AGBL4: variants seen among roughly 807,000 people sequenced by gnomAD.
AGBL4 encodes AGBL carboxypeptidase 4.
A neutral mutation model predicts 66.4 loss-of-function variants in AGBL4; 58 were observed. The observed-to-expected ratio is 0.87, with a 90% CI of 0.71 to 1.09. The LOEUF is 1.09. AGBL4 is among the 50% of genes least tolerant of loss of function. The probability of loss-of-function intolerance (pLI) is 0.00; values close to 1 mark genes in which losing one functional copy is unlikely to be tolerated. For missense variants in AGBL4, 579 were observed against 631.0 expected (o/e 0.92, Z 0.88); for synonymous variants, 234 against 222.9 (o/e 1.05, Z -0.44).
At chr1:49,545,364 T>C (rs1219398449) in intron 3 of AGBL4, among the ~76,000 whole-genome samples, 1 of 152,172 alleles carries the variant, frequency 6.6e-6, no homozygotes, top group African/African-American at 2.4e-5. Flanking sequence ...AAAAACCATG[T>C]GAGTTTGGAG....
chr1:49,834,114 G>A (rs1052712553), intron 2 of AGBL4, among the ~76,000 whole-genome samples: 2 of 152,182 alleles, frequency 1.3e-5, no homozygotes, highest in African/African-American at 2.4e-5. Context: ...AGTTAAGAAG[G>A]AGTCCTTCTT....
intron 2 of AGBL4, chr1:49,842,022 C>A: frequency 5.0e-6 from 2 of 400,354 alleles, no homozygotes; most frequent in Admixed American, 3.6e-5. Flanking sequence ...TGCACCCAGC[C>A]CATATTCACG....
intron 3 of AGBL4, among the ~76,000 whole-genome samples, chr1:49,378,362 C>A (rs772793476): frequency 1.6e-3 from 240 of 152,160 alleles, no homozygotes; most frequent in Non-Finnish European, 2.9e-3. Flanking sequence ...TCTATCTCAT[C>A]TTAAATGTCT....
intron 2 of AGBL4, among the ~76,000 whole-genome samples, chr1:49,807,689 C>G (rs897052265): frequency 6.6e-6 from 1 of 152,170 alleles, no homozygotes; most frequent in African/African-American, 2.4e-5. Flanking sequence ...CTGAAAAAGA[C>G]AAGTTTTAGT....
rs1646937959 is a variant in AGBL4 at position 49,694,070 on chromosome 1, G to GCAA, written c.282+3242_282+3243insTTG. On this transcript the variant is annotated intron_variant, in intron 3 of 13. Coordinates refer to ENST00000371839, the MANE Select transcript of AGBL4 (RefSeq NM_032785.4). ...GAAATACAACGCAAAAGCTAGACCTGTTTATACAATATATTTGATGCTGCA... is the reference window on the plus strand; with the variant it reads ...GAAATACAACGCAAAAGCTAGACCTGCAATTTATACAATATATTTGATGCTGCA... 2.6e-5 allele frequency among the ~76,000 whole-genome samples: 4 copies of GCAA among 152,184 alleles called. No individual in the cohort carries two copies. The South Asian group carries it at 8.3e-4, about 32-fold the overall frequency.
At chr1:49,008,764 C>A (rs1662092376) in intron 5 of AGBL4, among the ~76,000 whole-genome samples, 1 of 145,562 alleles carries the variant, frequency 6.9e-6, no homozygotes, top group African/African-American at 2.5e-5. Context: ...GAACAACCTG[C>A]TCCTGAATGA....
At chr1:49,699,637 C>T (rs1490284497) in intron 2 of AGBL4, among the ~76,000 whole-genome samples, 1 of 151,346 alleles carries the variant, frequency 6.6e-6, no homozygotes, top group Non-Finnish European at 1.5e-5. Context: ...AAGCCAGACG[C>T]AAAAAGAAAA....
At chr1:49,044,537 T>C (rs1644028794) in intron 5 of AGBL4, among the ~76,000 whole-genome samples, 1 of 151,502 alleles carries the variant, frequency 6.6e-6, no homozygotes, top group African/African-American at 2.4e-5. Flanking sequence ...GGCAAAATGA[T>C]GCAACACTCC....
chr1:49,107,732 A>G (rs1645325526), intron 4 of AGBL4, among the ~76,000 whole-genome samples: 1 of 135,336 alleles, frequency 7.4e-6, no homozygotes, highest in African/African-American at 2.6e-5. Flanking sequence ...AGAGAGAGAG[A>G]GAGACAATAT....
At chr1:49,077,072 T>C (rs570476734) in intron 4 of AGBL4, among the ~76,000 whole-genome samples, 1 of 150,062 alleles carries the variant, frequency 6.7e-6, no homozygotes, top group Admixed American at 6.8e-5. Flanking sequence ...AACATCCATA[T>C]CGCTTCAGTG....
intron 2 of AGBL4, among the ~76,000 whole-genome samples, chr1:49,818,768 C>T (rs887923212): frequency 2.0e-5 from 3 of 152,134 alleles, no homozygotes; most frequent in Non-Finnish European, 4.4e-5. Context: ...CTGCATGATA[C>T]AGAATGGGAA....
chr1:49,140,950 T>TG (rs1646106009), intron 4 of AGBL4, among the ~76,000 whole-genome samples: 1 of 152,172 alleles, frequency 6.6e-6, no homozygotes, highest in Non-Finnish European at 1.5e-5. Context: ...TACTCCTTCT[T>TG]GGGGCTTTTA....
intron 3 of AGBL4, among the ~76,000 whole-genome samples, chr1:49,314,308 G>A (rs1252198008): frequency 5.9e-5 from 9 of 151,916 alleles, no homozygotes; most frequent in African/African-American, 1.9e-4. Context: ...AGGTATACAC[G>A]TGCCATGGTG....
At chr1:49,420,700 CAAA>C (rs34864072) in intron 3 of AGBL4, among the ~76,000 whole-genome samples, 5 of 124,584 alleles carry the variant, frequency 4.0e-5, no homozygotes, top group Admixed American at 7.8e-5. Context: ...GACTCCGTCT[CAAA>C]AAAAAAAAAA....
intron 5 of AGBL4, among the ~76,000 whole-genome samples, 152 bp downstream of exon 5, chr1:49,045,432 T>A (rs1644053626): frequency 6.6e-6 from 1 of 152,208 alleles, no homozygotes; most frequent in South Asian, 2.1e-4. Context: ...TTAATACTAA[T>A]TATATAATTG....
intron 4 of AGBL4, among the ~76,000 whole-genome samples, chr1:49,157,898 A>C (rs943288017): frequency 4.6e-5 from 7 of 152,154 alleles, no homozygotes; most frequent in African/African-American, 1.7e-4. Context: ...GTGTCTGTTC[A>C]TATCCTTTGC....
intron 3 of AGBL4, among the ~76,000 whole-genome samples, chr1:49,346,423 T>G (rs1645635051): frequency 2.0e-5 from 3 of 152,194 alleles, no homozygotes; most frequent in Non-Finnish European, 4.4e-5. Flanking sequence ...CACGTCAGCT[T>G]GGTTCCAACA....
At chr1:48,583,480 A>C (rs1644769990) in intron 11 of AGBL4, among the ~76,000 whole-genome samples, 1 of 152,228 alleles carries the variant, frequency 6.6e-6, no homozygotes, top group Non-Finnish European at 1.5e-5. Flanking sequence ...CCTAGGATTC[A>C]AACCCAGATA....
At chr1:49,627,943 C>T (rs572229195) in intron 3 of AGBL4, among the ~76,000 whole-genome samples, 12 of 152,234 alleles carry the variant, frequency 7.9e-5, no homozygotes, top group African/African-American at 1.9e-4. Flanking sequence ...ACCTCTGATC[C>T]GCTTTAACTC....
Sources: allele counts gnomAD v4.1 joint callset (sites outside exome capture counted in the v4.1 genomes callset), GRCh38; gene constraint gnomAD v4.1.1; transcripts MANE v1.5; gene names NCBI Gene and HGNC (gene_info 2026-07-23, HGNC 2026-07-21).